The following RAI14 variants were observed in gnomAD, a reference collection of about 807,000 sequenced individuals.
The protein encoded by RAI14 is retinoic acid induced 14, also known as ankycorbin.
A neutral mutation model predicts 115.4 loss-of-function variants in RAI14; 45 were observed. The ratio of observed to expected loss-of-function variants is 0.39; its 90% confidence interval spans 0.31 to 0.50. The LOEUF (loss-of-function observed/expected upper bound fraction) is 0.50, where lower values mean the gene tolerates loss of function less well. Ranked by LOEUF, RAI14 falls within the 20% of genes least tolerant of loss-of-function variation. RAI14 has a pLI of 0.85. For synonymous variants in RAI14, 371 were observed against 415.4 expected, an observed-to-expected ratio of 0.89 and a Z score of 1.30; for missense variants, 939 against 1,131.2, an observed-to-expected ratio of 0.83 and a Z score of 2.44.
intron 7 of RAI14, among the ~76,000 whole-genome samples, chr5:34,809,906 A>T (rs1208655341): frequency 2.6e-5 from 4 of 152,166 alleles, no homozygotes; most frequent in African/African-American, 7.2e-5. Context: ...AAATTTATAT[A>T]CCTATCACAT....
intron 2 of RAI14, chr5:34,687,730 A>G (rs998257081): frequency 1.9e-6 from 3 of 1,551,338 alleles, no homozygotes; most frequent in South Asian, 1.2e-5. Context: ...AAGGTATGTC[A>G]CTCTCAAAAT....
chr5:34,800,406 T>C (rs1286886306), intron 4 of RAI14, among the ~76,000 whole-genome samples: 3 of 152,184 alleles, frequency 2.0e-5, no homozygotes, highest in East Asian at 1.9e-4. Flanking sequence ...CACAGGGAAA[T>C]TGCTTCCTGA....
intron 2 of RAI14, among the ~76,000 whole-genome samples, chr5:34,696,159 G>A (rs1561248203): frequency 6.6e-6 from 1 of 151,708 alleles, no homozygotes; most frequent in African/African-American, 2.4e-5. Context: ...ATTTTTTTGA[G>A]ACGGAGTCTT....
In RAI14 at chr5:34,704,253, C is replaced by T. The variant is rs1740414324; in HGVS notation, c.36+17298C>T. Among the ~76,000 whole-genome samples the T allele has an allele frequency of 4.6e-5, 7 of 152,210 alleles. No homozygotes were observed. The South Asian group carries it at 1.4e-3, about 32-fold the overall frequency. The stretch of plus-strand genomic sequence containing the variant: ...GAGAGAGAATGTTAACTCACCATGG[C>T]AAGCAAATAATTTACAGATTATGGC... On this transcript the variant is annotated intron_variant, in intron 2 of 17. Transcript: ENST00000265109.
Position 34,811,097 on chromosome 5 carries a change from A to G in RAI14, c.536A>G (p.Asn179Ser). The change falls in exon 8 of 18, where the codon AAT (asparagine) becomes AGT (serine). Residue 179 changes from asparagine to serine, a missense_variant. By Grantham distance (46) the Asn-to-Ser change is conservative. Transcript: ENST00000265109. ...HFLLDHGADV[N>S]SRNKSGRTAL... ...CTCCTGGATCATGGAGCAGATGTCA[A>G]TTCCAGGAACAAAAGTGGAAGGTAC... The G allele has an allele frequency of 6.2e-7, 1 of 1,614,104 alleles. No individual in the cohort carries two copies. The highest frequency in any genetic ancestry group is 8.5e-7 in the Non-Finnish European group (1 of 1,180,014).
At chr5:34,740,778 G>T (rs976347152) in intron 2 of RAI14, among the ~76,000 whole-genome samples, 11 of 152,188 alleles carry the variant, frequency 7.2e-5, no homozygotes, top group Non-Finnish European at 1.5e-4. Flanking sequence ...AGGCAGAAGT[G>T]ATTTCTTGGA....
At chr5:34,668,109 A>G (rs1554037933) in intron 1 of RAI14, among the ~76,000 whole-genome samples, 1 of 152,158 alleles carries the variant, frequency 6.6e-6, no homozygotes, top group Non-Finnish European at 1.5e-5. Flanking sequence ...TAGGAAAGAC[A>G]GCCAAGACAG....
intron 2 of RAI14, among the ~76,000 whole-genome samples, chr5:34,748,112 G>A (rs1208993606): frequency 6.6e-6 from 1 of 152,156 alleles, no homozygotes; most frequent in African/African-American, 2.4e-5. Context: ...CTGGATGGAG[G>A]TGTTTATGTA....
At chr5:34,705,925 G>A (rs1005458553) in intron 2 of RAI14, among the ~76,000 whole-genome samples, 13 of 152,318 alleles carry the variant, frequency 8.5e-5, no homozygotes, top group African/African-American at 2.9e-4. Flanking sequence ...GGGATTACAG[G>A]CATGCGCCAC....
At chr5:34,751,382 A>T (rs554321887) in intron 2 of RAI14, among the ~76,000 whole-genome samples, 1 of 152,080 alleles carries the variant, frequency 6.6e-6, no homozygotes, top group African/African-American at 2.4e-5. Context: ...ACCTCAAGTG[A>T]TCTGCCCACC....
In RAI14 at chr5:34,827,626, G is replaced by T. The variant is rs12189090; in HGVS notation, c.2799+1147G>T. Among the ~76,000 whole-genome samples, 14,214 of 152,238 alleles carry T rather than the reference G, an allele frequency of 0.093. 932 individuals carry two copies. Among genetic ancestry groups the T allele is most frequent in the Middle Eastern group, 0.14 (42 of 294 alleles). Reference sequence around the variant, plus strand: ...TTCAATGCTAGCTTTGGAGGAAACAGCTCTAGAAATGGTGGATACTTAGGA... The same window carrying T: ...TTCAATGCTAGCTTTGGAGGAAACATCTCTAGAAATGGTGGATACTTAGGA... On this transcript the variant is annotated intron_variant, in intron 16 of 17. Coordinates refer to ENST00000265109, the MANE Select transcript of RAI14 (RefSeq NM_015577.3). This position sits in a 1 kb window ranked among gnomAD's most constrained non-coding sequence, Gnocchi z 4.2.
rs1323694093 is a variant in RAI14 at position 34,739,337 on chromosome 5, C to T, written c.37-18131C>T. On this transcript the variant is annotated intron_variant, in intron 2 of 17. Coordinates refer to ENST00000265109, the MANE Select transcript of RAI14 (RefSeq NM_015577.3). ...ATAAGTGGTAGAGCGAGGCTGTGCA[C>T]CCAGGTGGTCTGGCTTCTGGGTTCT... Among the ~76,000 whole-genome samples the T allele has an allele frequency of 4.6e-5, 7 of 152,270 alleles. No individual in the cohort carries two copies. In the South Asian group the frequency reaches 6.2e-4, roughly 14 times the overall value.
chr5:34,779,890 C>T (rs1244998043), intron 3 of RAI14, among the ~76,000 whole-genome samples: 4 of 151,982 alleles, frequency 2.6e-5, no homozygotes, highest in African/African-American at 7.3e-5. Flanking sequence ...CATAAGGAAC[C>T]AAAAAAGAGC....
chr5:34,709,219 G>A (rs529596214), intron 2 of RAI14, among the ~76,000 whole-genome samples: 19 of 152,118 alleles, frequency 1.2e-4, no homozygotes, highest in African/African-American at 4.1e-4. Context: ...AGGCCAAGGT[G>A]GGCAGATCAC....
In RAI14 at chr5:34,831,303, C is replaced by T. The variant is rs1029820052; in HGVS notation, c.*538C>T. 1 of 152,898 alleles carries T rather than the reference C, an allele frequency of 6.5e-6. No individual in the cohort carries two copies. Among genetic ancestry groups the T allele is most frequent in the African/African-American group, 2.4e-5 (1 of 41,440 alleles). The allele number at this position is 152,898 out of a possible 1,614,324, so 9.5% of individuals were successfully genotyped here. On this transcript the variant is annotated 3_prime_UTR_variant, in exon 18 of 18. Transcript: ENST00000265109. ...CCTGTGGATTTAAAAACTCTAATTC[C>T]ATGTTTTCTTCCCATCTGCCTTATA...
chr5:34,829,637 G>A, intron 16 of RAI14, 95 bp from the exon 17 acceptor site: 2 of 994,100 alleles, frequency 2.0e-6, no homozygotes, highest in South Asian at 1.7e-5. Context: ...GGGACCACTT[G>A]GGTAGCATTT....
intron 12 of RAI14, among the ~76,000 whole-genome samples, chr5:34,816,865 T>C (rs1756286027): frequency 7.3e-6 from 1 of 137,494 alleles, no homozygotes; most frequent in Admixed American, 7.9e-5. Flanking sequence ...ATATCACAAA[T>C]TATGATTTTT....
chr5:34,672,836 A>C, intron 1 of RAI14, among the ~76,000 whole-genome samples: 1 of 148,442 alleles, frequency 6.7e-6, no homozygotes, highest in African/African-American at 2.5e-5. Context: ...ACCCCTTCTC[A>C]CCCCATACCC....
Position 34,830,842 on chromosome 5 carries a change from A to G in RAI14, c.*77A>G. 1 of 1,594,266 alleles carries G rather than the reference A, an allele frequency of 6.3e-7. No individual in the cohort carries two copies. The highest frequency in any genetic ancestry group is 8.5e-7 in the Non-Finnish European group (1 of 1,169,694). ...TCCAGAGTTGTCGGCAGCCGCTGCCATTGTTCTCATTCGTGGTATGCACTG... is the reference window on the plus strand; with the variant it reads ...TCCAGAGTTGTCGGCAGCCGCTGCCGTTGTTCTCATTCGTGGTATGCACTG... On this transcript the variant is annotated 3_prime_UTR_variant, in exon 18 of 18. Coordinates refer to ENST00000265109, the MANE Select transcript of RAI14 (RefSeq NM_015577.3).
Sources: allele counts gnomAD v4.1 joint callset (sites outside exome capture counted in the v4.1 genomes callset), GRCh38; gene constraint gnomAD v4.1.1; non-coding constraint Gnocchi (gnomAD v3.1); transcripts MANE v1.5; gene names NCBI Gene and HGNC (gene_info 2026-07-23, HGNC 2026-07-21).